FHIP2A: variants seen among roughly 807,000 people sequenced by gnomAD.
FHIP2A encodes FHF complex subunit HOOK interacting protein 2A.
In FHIP2A, 46 loss-of-function variants were observed where a neutral mutation model predicts 93.5. The observed-to-expected ratio is 0.49, with a 90% CI of 0.39 to 0.63. FHIP2A has a LOEUF of 0.63. Ranked by LOEUF, FHIP2A falls within the 20% of genes least tolerant of loss-of-function variation. The pLI, the probability that FHIP2A is intolerant of heterozygous loss-of-function variation, is 0.00. For synonymous variants in FHIP2A, 332 were observed against 326.5 expected (o/e 1.02, Z -0.18); for missense variants, 769 against 909.7 (o/e 0.85, Z 1.99).
At position 114,843,067 on chromosome 10, in the gene FHIP2A, G is replaced by A. The variant is rs773822229; in HGVS notation, c.657G>A (p.Met219Ile). 59 of 1,613,992 alleles carry A rather than the reference G, an allele frequency of 3.7e-5. No individual in the cohort carries two copies. Among genetic ancestry groups the A allele is most frequent in the Admixed American group, 5.0e-5 (3 of 59,988 alleles). ...AGGAACTATCTGGTGCTACTGGAATGGAGCAAACAGAATTGGAAGATGAGC... is the reference window on the plus strand; with the variant it reads ...AGGAACTATCTGGTGCTACTGGAATAGAGCAAACAGAATTGGAAGATGAGC... ...QPEELSGATGMEQTELEDEPP... is the reference protein window; with the variant it reads ...QPEELSGATGIEQTELEDEPP... The change falls in exon 6 of 17, where the codon ATG becomes ATA. Residue 219 changes from methionine to isoleucine, a missense_variant. Transcript: ENST00000369248.
At chr10:114,884,763 A>G (rs2083933556) in intron 16 of FHIP2A, among the ~76,000 whole-genome samples, 1 of 151,738 alleles carries the variant, frequency 6.6e-6, no homozygotes, top group South Asian at 2.1e-4. Context: ...AAATACAAAA[A>G]ATTAGCTAGG....
intron 16 of FHIP2A, among the ~76,000 whole-genome samples, chr10:114,895,590 C>G (rs2083997195): frequency 6.6e-6 from 1 of 152,124 alleles, no homozygotes; most frequent in African/African-American, 2.4e-5. Context: ...TTTAACCATT[C>G]AGATCTCATT....
chr10:114,832,878 A>C (rs1322273453), intron 2 of FHIP2A, among the ~76,000 whole-genome samples: 1 of 151,778 alleles, frequency 6.6e-6, no homozygotes, highest in African/African-American at 2.4e-5. Flanking sequence ...CACACGGCTA[A>C]TTTTTTTGTA....
Position 114,843,874 on chromosome 10 carries a change from A to G in FHIP2A, c.950A>G (p.Tyr317Cys). 6.2e-7 allele frequency: 1 copy of G among 1,610,486 alleles called. No individual in the cohort carries two copies. Among genetic ancestry groups the G allele is most frequent in the Non-Finnish European group, 8.5e-7 (1 of 1,179,220 alleles). The change falls in exon 7 of 17, where the codon TAC becomes TGC. Residue 317 changes from tyrosine to cysteine, a missense_variant. Transcript: ENST00000369248. ...CTGACAGACAGACTTGCCTCCCTGT[A>G]CAAGGCCCTACCTCAGTCAGTGGAT... ...ELLTDRLASL[Y>C]KALPQSVDPL...
At chr10:114,891,403 T>C (rs1014043548) in intron 16 of FHIP2A, among the ~76,000 whole-genome samples, 1 of 151,800 alleles carries the variant, frequency 6.6e-6, no homozygotes, top group Admixed American at 6.6e-5. Flanking sequence ...GTATCTTCCA[T>C]AGTATTATAT....
At position 114,843,254 on chromosome 10, in the gene FHIP2A, C is replaced by T. The variant is rs770928401; in HGVS notation, c.816+28C>T. The T allele has an allele frequency of 2.6e-5, 38 of 1,439,340 alleles. No individual in the cohort carries two copies. The African/African-American group carries it at 3.7e-4, about 14-fold the overall frequency. The allele number at this position is 1,439,340 out of a possible 1,614,324, so 89.2% of individuals were successfully genotyped here. A position where few individuals can be genotyped will look rare whatever the true frequency, so the allele number is the denominator to read the frequency against. On this transcript the variant is annotated intron_variant, in intron 6 of 16. Coordinates refer to ENST00000369248, the MANE Select transcript of FHIP2A (RefSeq NM_020940.4). Reference sequence around the variant, plus strand: ...GAGTTATGGTCCTTACTTTTTCCCCCCTAACATTATTTCAATAATGTGTAT... The same window carrying T: ...GAGTTATGGTCCTTACTTTTTCCCCTCTAACATTATTTCAATAATGTGTAT...
In FHIP2A at chr10:114,863,383, T is replaced by C. The variant is rs1157151123; in HGVS notation, c.*1843T>C. The C allele has an allele frequency of 2.4e-5, 24 of 1,002,458 alleles. No individual in the cohort carries two copies. Among genetic ancestry groups the C allele is most frequent in the Non-Finnish European group, 2.9e-5 (24 of 839,554 alleles). 62.1% of individuals were successfully genotyped at this position (1,002,458 alleles called of 1,614,324 possible). On this transcript the variant is annotated 3_prime_UTR_variant, in exon 17 of 17. Coordinates refer to ENST00000369248, the MANE Select transcript of FHIP2A (RefSeq NM_020940.4). ...TAGATATTTCTTAATGTTTTCATAG[T>C]GCTCAATAGGTGTAGTAGCAATGAT... is the stretch of plus-strand genomic sequence containing the variant.
chr10:114,849,775 C>T (rs1333630320), intron 13 of FHIP2A, among the ~76,000 whole-genome samples: 1 of 152,154 alleles, frequency 6.6e-6, no homozygotes. Context: ...TTGACTTCTC[C>T]TCCCCGCCAA....
chr10:114,893,945 A>T lies in FHIP2A; in HGVS notation c.2193-5545A>T, dbSNP rs1333171864. Among the ~76,000 whole-genome samples, 3 of 152,184 alleles carry T rather than the reference A, an allele frequency of 2.0e-5. No homozygotes were observed. In the East Asian group the frequency reaches 5.8e-4, roughly 29 times the overall value. The stretch of plus-strand genomic sequence containing the variant: ...GGAGAAAATACACCAAAATTTTAAA[A>T]AATATATCTGGGTTGTGAGACTATG... On this transcript the variant is annotated intron_variant, in intron 16 of 16. Transcript: ENST00000369250.
chr10:114,852,341 G>A (rs981466540), intron 13 of FHIP2A, among the ~76,000 whole-genome samples: 3 of 152,154 alleles, frequency 2.0e-5, no homozygotes, highest in Non-Finnish European at 4.4e-5. Context: ...CCACTTAGGT[G>A]TTCTTCTAAG....
intron 5 of FHIP2A, among the ~76,000 whole-genome samples, chr10:114,840,685 G>A (rs2083663709): frequency 6.6e-6 from 1 of 152,162 alleles, no homozygotes; most frequent in East Asian, 1.9e-4. Flanking sequence ...CTGCTCAGAT[G>A]CAGAAGCTGG....
chr10:114,864,335 T>C lies in FHIP2A; in HGVS notation c.*2795T>C. The C allele has an allele frequency of 1.0e-6, 1 of 985,664 alleles. No homozygotes were observed. The highest frequency in any genetic ancestry group is 1.2e-6 in the Non-Finnish European group (1 of 829,734). The allele number at this position is 985,664 out of a possible 1,614,324, so 61.1% of individuals were successfully genotyped here. A position where few individuals can be genotyped will look rare whatever the true frequency, so the allele number is the denominator to read the frequency against. On this transcript the variant is annotated 3_prime_UTR_variant, in exon 17 of 17. Transcript: ENST00000369248. ...TTACAGTGAAGTGCTAAAACCACAC[T>C]ATATGGTAATTATATTTTGGGTTAT...
At chr10:114,840,118 G>T (rs879817343) in intron 5 of FHIP2A, among the ~76,000 whole-genome samples, 1 of 152,096 alleles carries the variant, frequency 6.6e-6, no homozygotes, top group African/African-American at 2.4e-5. Context: ...GCTGGGCGCG[G>T]TGATTCACAC....
intron 16 of FHIP2A, among the ~76,000 whole-genome samples, chr10:114,896,599 C>T (rs2084002573): frequency 2.6e-5 from 4 of 152,188 alleles, no homozygotes; most frequent in African/African-American, 9.7e-5. Context: ...AAGAATGCAA[C>T]CGTTTGTGTT....
Position 114,852,110 on chromosome 10 carries a change from CTCCTTTCTT to C in FHIP2A, c.1804-3086_1804-3078del, listed in dbSNP as rs1271350744. On this transcript the variant is annotated intron_variant, in intron 13 of 16. Transcript: ENST00000369248. ...CCCCAGCCCTGCCATTTCAAACTTT[CTCCTTTCTT>C]AAGGCTTCTGCAGCATCATTCTTTG... Among the ~76,000 whole-genome samples the C allele has an allele frequency of 1.4e-4, 18 of 125,718 alleles. No homozygotes were observed. In the Admixed American group the frequency reaches 1.6e-3, roughly 11 times the overall value. The allele number at this position is 125,718 out of a possible 152,430, so 82.5% of individuals were successfully genotyped here.
chr10:114,846,783 C>T, intron 11 of FHIP2A, 55 bp downstream of exon 11: 2 of 1,436,084 alleles, frequency 1.4e-6, no homozygotes, highest in Non-Finnish European at 1.9e-6. Flanking sequence ...ATAGAACTTT[C>T]TCTCTCCTCT....
intron 14 of FHIP2A, among the ~76,000 whole-genome samples, chr10:114,855,591 C>A (rs1470222684): frequency 6.6e-6 from 1 of 152,146 alleles, no homozygotes; most frequent in African/African-American, 2.4e-5. Context: ...GTCTTAATAT[C>A]CTTAACACAT....
At position 114,848,512 on chromosome 10, in the gene FHIP2A, A is replaced by T. The variant is rs1427013486; in HGVS notation, c.1713-135A>T. On this transcript the variant is annotated intron_variant, in intron 12 of 16. Coordinates refer to ENST00000369248, the MANE Select transcript of FHIP2A (RefSeq NM_020940.4). ...AATACTTAGCTGAACTTACGATATC[A>T]CTAGATGCTTTAGTACTTATAAAGT... is the stretch of plus-strand genomic sequence containing the variant. 3.7e-5 allele frequency: 22 copies of T among 601,778 alleles called. No individual in the cohort carries two copies. In the East Asian group the frequency reaches 6.1e-4, roughly 17 times the overall value. 37.3% of individuals were successfully genotyped at this position (601,778 alleles called of 1,614,324 possible).
At position 114,843,917 on chromosome 10, in the gene FHIP2A, C is replaced by T. The variant is rs767914320; in HGVS notation, c.993C>T (p.Thr331=). Residue 331 remains threonine (T), a synonymous_variant, in exon 7 of 17, where the codon ACC becomes ACT. Coordinates refer to ENST00000369248, the MANE Select transcript of FHIP2A (RefSeq NM_020940.4). ...PQSVDPLDIE[T]VEAINWGLDS... ...CAGTGGATCCGTTAGATATTGAAAC[C>T]GTGGAAGCAATTAACTGGGGGTAAG... The T allele has an allele frequency of 4.6e-5, 72 of 1,574,106 alleles. No individual in the cohort carries two copies. The highest frequency in any genetic ancestry group is 3.4e-4 in the Middle Eastern group (2 of 5,858).
Sources: allele counts gnomAD v4.1 joint callset (sites outside exome capture counted in the v4.1 genomes callset), GRCh38; gene constraint gnomAD v4.1.1; transcripts MANE v1.5; gene names NCBI Gene and HGNC (gene_info 2026-07-23, HGNC 2026-07-21).